Variants in PDE4D observed in about 807,000 individuals in gnomAD.
PDE4D encodes phosphodiesterase 4D, also known as 3',5'-cyclic-AMP phosphodiesterase 4D.
In PDE4D, 24 loss-of-function variants were observed where a neutral mutation model predicts 87.4. The observed-to-expected ratio is 0.27, with a 90% confidence interval of 0.20 to 0.39. The LOEUF (loss-of-function observed/expected upper bound fraction) is 0.39, where lower values mean the gene tolerates loss of function less well. Ranked by LOEUF, PDE4D falls within the 10% of genes least tolerant of loss-of-function variation. The pLI, the probability that PDE4D is intolerant of heterozygous loss-of-function variation, is 1.00. For synonymous variants in PDE4D, 384 were observed against 383.2 expected (o/e 1.00, Z -0.02); for missense variants, 714 against 1,041.0 (o/e 0.69, Z 4.32).
intron 1 of PDE4D, among the ~76,000 whole-genome samples, chr5:60,519,613 G>C (rs1419470800): frequency 2.0e-5 from 3 of 151,590 alleles, no homozygotes; most frequent in Non-Finnish European, 4.4e-5. Context: ...GGAAAAAAAA[G>C]AATAGTGTTC....
chr5:60,369,770 A>G lies in PDE4D; in HGVS notation c.-90+118172T>C, dbSNP rs563382466. On this transcript the variant is annotated intron_variant, in intron 1 of 16. Coordinates refer to the PDE4D transcript ENST00000502484. ...CAAGGCAGAGTAGGACGAAGACCAT[A>G]TAAGACTAAGTGTGGGGTCTGCAGG... 5.3e-5 allele frequency among the ~76,000 whole-genome samples: 8 copies of G among 152,304 alleles called. No individual in the cohort carries two copies. The South Asian group carries it at 1.7e-3, about 32-fold the overall frequency.
At chr5:59,867,642 C>T (rs1316531608) in intron 1 of PDE4D, among the ~76,000 whole-genome samples, 1 of 152,074 alleles carries the variant, frequency 6.6e-6, no homozygotes, top group Non-Finnish European at 1.5e-5. Context: ...GAATAGTCAT[C>T]ACTACACTGT....
At chr5:59,457,736 C>A (rs988439675) in intron 1 of PDE4D, among the ~76,000 whole-genome samples, 1 of 151,882 alleles carries the variant, frequency 6.6e-6, no homozygotes, top group Admixed American at 6.6e-5. Flanking sequence ...AGTAAAAATA[C>A]AAAATAAAAA....
intron 1 of PDE4D, among the ~76,000 whole-genome samples, chr5:60,421,691 AC>A (rs1208026371): frequency 2.0e-5 from 3 of 152,202 alleles, no homozygotes; most frequent in African/African-American, 7.2e-5. Flanking sequence ...ACGGAGAATG[AC>A]TTTGACAAGT....
intron 1 of PDE4D, among the ~76,000 whole-genome samples, chr5:60,299,871 T>A (rs773439050): frequency 3.9e-5 from 6 of 152,204 alleles, no homozygotes; most frequent in Non-Finnish European, 7.3e-5. Context: ...TACACATGTA[T>A]GTATCTTTAT....
chr5:59,359,054 T>A (rs571135146), intron 1 of PDE4D, among the ~76,000 whole-genome samples: 1 of 152,338 alleles, frequency 6.6e-6, no homozygotes, highest in Non-Finnish European at 1.5e-5. Context: ...TTTACCTTTT[T>A]AAAGGGATAT....
At chr5:60,054,155 C>T (rs2089577) in intron 2 of PDE4D, among the ~76,000 whole-genome samples, 78,361 of 151,878 alleles carry the variant, frequency 0.52, 20,801 homozygotes, top group East Asian at 0.82. Flanking sequence ...GAACCAGATA[C>T]ACCATTTGAC....
At chr5:59,632,716 A>C (rs1831726727) in intron 1 of PDE4D, among the ~76,000 whole-genome samples, 1 of 152,210 alleles carries the variant, frequency 6.6e-6, no homozygotes, top group Non-Finnish European at 1.5e-5. Flanking sequence ...ACCACACAAA[A>C]ACTCCATCTA....
chr5:60,294,408 A>G (rs906135371), intron 1 of PDE4D, among the ~76,000 whole-genome samples: 1 of 152,068 alleles, frequency 6.6e-6, no homozygotes, highest in Non-Finnish European at 1.5e-5. Flanking sequence ...ATGTCTTTTG[A>G]TGAGCAGTCT....
At chr5:59,172,205 G>A (rs1783068032) in intron 5 of PDE4D, among the ~76,000 whole-genome samples, 2 of 103,632 alleles carry the variant, frequency 1.9e-5, no homozygotes, top group East Asian at 2.5e-4. Context: ...TAATAAATAT[G>A]TATATAATAT....
chr5:60,140,122 G>A (rs556782837), intron 2 of PDE4D, among the ~76,000 whole-genome samples: 1 of 152,032 alleles, frequency 6.6e-6, no homozygotes, highest in Admixed American at 6.6e-5. Context: ...GAATATGAAT[G>A]AATTTTTTAA....
intron 1 of PDE4D, among the ~76,000 whole-genome samples, chr5:60,501,474 T>C (rs1229018332): frequency 6.6e-6 from 1 of 151,628 alleles, no homozygotes; most frequent in Non-Finnish European, 1.5e-5. Context: ...TGTGCATGTG[T>C]CTTTATAGCA....
intron 1 of PDE4D, among the ~76,000 whole-genome samples, chr5:59,316,992 T>C (rs2153569265): frequency 6.6e-6 from 1 of 152,188 alleles, no homozygotes; most frequent in East Asian, 1.9e-4. Flanking sequence ...GATGAGGCTG[T>C]GGTCTCTCCA....
intron 2 of PDE4D, among the ~76,000 whole-genome samples, chr5:60,006,624 CATA>C (rs891466220): frequency 6.6e-6 from 1 of 151,840 alleles, no homozygotes; most frequent in African/African-American, 2.4e-5. Flanking sequence ...ATACTCAACA[CATA>C]ATAATGATGA....
In PDE4D at chr5:60,259,167, T is replaced by C. The variant is rs180945289; in HGVS notation, c.-89-73480A>G. On this transcript the variant is annotated intron_variant, in intron 1 of 16. Transcript: ENST00000502484. Reference sequence around the variant, plus strand: ...CTTCCTATAATTATAAAACACTAGGTATCAATGGAGAAATAAATGTATATA... The same window carrying C: ...CTTCCTATAATTATAAAACACTAGGCATCAATGGAGAAATAAATGTATATA... Among the ~76,000 whole-genome samples the C allele has an allele frequency of 2.7e-4, 41 of 152,186 alleles. No individual in the cohort carries two copies. The East Asian group carries it at 7.4e-3, about 27-fold the overall frequency.
chr5:59,586,604 G>A lies in PDE4D; in HGVS notation c.455+306564C>T, dbSNP rs562525900. On this transcript the variant is annotated intron_variant, in intron 1 of 14. Coordinates refer to ENST00000340635, the MANE Select transcript of PDE4D (RefSeq NM_001104631.2). ...AAAGAAACATCACAGAGCACTGCAG[G>A]TATGGGTCCATCCATTTAGGTTCCA... 294 of 1,299,086 alleles carry A rather than the reference G, an allele frequency of 2.3e-4. 2 individuals are homozygous for A. The South Asian group carries it at 2.6e-3, about 11-fold the overall frequency. 80.5% of individuals were successfully genotyped at this position (1,299,086 alleles called of 1,614,324 possible).
At chr5:59,241,641 G>C (rs145334191) in intron 1 of PDE4D, among the ~76,000 whole-genome samples, 2 of 152,308 alleles carry the variant, frequency 1.3e-5, no homozygotes, top group Non-Finnish European at 2.9e-5. Flanking sequence ...CGAAGTCACA[G>C]CTCTGGGAGA....
chr5:59,049,986 G>T (rs529235560), intron 5 of PDE4D, among the ~76,000 whole-genome samples: 1 of 152,156 alleles, frequency 6.6e-6, no homozygotes, highest in Admixed American at 6.5e-5. Flanking sequence ...ACACACAGCC[G>T]GGCATGGTGG....
At chr5:59,948,181 A>G (rs1407857235) in intron 3 of PDE4D, among the ~76,000 whole-genome samples, 4 of 152,192 alleles carry the variant, frequency 2.6e-5, no homozygotes, top group African/African-American at 9.6e-5. Context: ...AGTCATCCAA[A>G]GCTAAAAATA....
Sources: gnomAD v4.1 joint callset for allele counts (sites outside exome capture counted in the v4.1 genomes callset) on GRCh38, gnomAD v4.1.1 for gene constraint, MANE v1.5 for transcripts, NCBI Gene and HGNC (gene_info 2026-07-23, HGNC 2026-07-21) for gene names.